DLGAP2: variants seen among roughly 807,000 people sequenced by gnomAD.
DLGAP2 encodes DLG associated protein 2, also known as disks large-associated protein 2.
Under a neutral mutation model 100.3 loss-of-function variants are expected in DLGAP2, and 26 were observed. The ratio of observed to expected loss-of-function variants is 0.26; its 90% confidence interval spans 0.19 to 0.36. DLGAP2 has a LOEUF of 0.36. Ranked by LOEUF, DLGAP2 falls within the 10% of genes least tolerant of loss-of-function variation. DLGAP2 has a pLI of 1.00. For synonymous variants in DLGAP2, 886 were observed against 630.1 expected (o/e 1.41, Z -6.08); for missense variants, 1,858 against 1,453.2 (o/e 1.28, Z -4.53).
At chr8:1,265,850 A>G (rs528294816) in intron 3 of DLGAP2, among the ~76,000 whole-genome samples, 2 of 152,358 alleles carry the variant, frequency 1.3e-5, no homozygotes, top group Non-Finnish European at 2.9e-5. Flanking sequence ...ATAGAAGAGT[A>G]GACAGGTAGG....
chr8:930,439 A>G (rs138966808), intron 2 of DLGAP2, among the ~76,000 whole-genome samples: 3 of 152,232 alleles, frequency 2.0e-5, no homozygotes, highest in Admixed American at 1.3e-4. Context: ...CACACACAGC[A>G]TGATGTAACA....
intron 6 of DLGAP2, among the ~76,000 whole-genome samples, chr8:1,592,795 C>T (rs1274862348): frequency 6.6e-6 from 1 of 152,158 alleles, no homozygotes; most frequent in Admixed American, 6.5e-5. Flanking sequence ...TATTATCCCA[C>T]AGTAATTGTC....
intron 3 of DLGAP2, among the ~76,000 whole-genome samples, chr8:1,496,898 C>T (rs920251155): frequency 2.0e-4 from 31 of 152,152 alleles, no homozygotes; most frequent in Admixed American, 2.0e-3. Context: ...AGCCAGACGA[C>T]CTTGCTACAG....
At chr8:1,309,845 A>G (rs1800572972) in intron 3 of DLGAP2, among the ~76,000 whole-genome samples, 1 of 152,262 alleles carries the variant, frequency 6.6e-6, no homozygotes, top group African/African-American at 2.4e-5. Flanking sequence ...CTGTAATCCC[A>G]GCACTTTGGG....
intron 1 of DLGAP2, among the ~76,000 whole-genome samples, chr8:765,879 C>A (rs1821200484): frequency 6.6e-6 from 1 of 152,084 alleles, no homozygotes; most frequent in Non-Finnish European, 1.5e-5. Context: ...ACAAACATAC[C>A]CACATATGGC....
At chr8:911,078 G>T (rs1472607149) in intron 2 of DLGAP2, among the ~76,000 whole-genome samples, 3 of 152,070 alleles carry the variant, frequency 2.0e-5, no homozygotes, top group African/African-American at 7.2e-5. Flanking sequence ...ATGACGAGTC[G>T]CTGTTTTCTG....
intron 1 of DLGAP2, among the ~76,000 whole-genome samples, chr8:831,726 T>C (rs1056911447): frequency 1.3e-5 from 2 of 152,242 alleles, no homozygotes; most frequent in Non-Finnish European, 2.9e-5. Context: ...TTTGGGTATA[T>C]ACCCAGTAAT....
At chr8:1,423,033 C>A (rs570635935) in intron 3 of DLGAP2, among the ~76,000 whole-genome samples, 32 of 152,210 alleles carry the variant, frequency 2.1e-4, no homozygotes, top group Non-Finnish European at 3.5e-4. Context: ...ACATGGTGCT[C>A]ATCATAGTGA....
chr8:948,945 G>C (rs2129007179), intron 2 of DLGAP2, among the ~76,000 whole-genome samples: 1 of 150,982 alleles, frequency 6.6e-6, no homozygotes, highest in East Asian at 1.9e-4. Context: ...GCCAGGGTGA[G>C]AGCAGGGCCC....
At chr8:1,033,759 C>G (rs1373222565) in intron 2 of DLGAP2, among the ~76,000 whole-genome samples, 2 of 150,162 alleles carry the variant, frequency 1.3e-5, no homozygotes, top group Non-Finnish European at 3.0e-5. Context: ...CATCCCGACC[C>G]CGCGTGTCAC....
chr8:1,253,334 C>G (rs1298668395), intron 2 of DLGAP2, among the ~76,000 whole-genome samples: 2 of 152,316 alleles, frequency 1.3e-5, no homozygotes, highest in East Asian at 1.9e-4. Context: ...TCTCCCGGCT[C>G]CATCGGCTGC....
chr8:1,689,221 TCTC>T (rs1204336147), intron 12 of DLGAP2, among the ~76,000 whole-genome samples: 1 of 152,050 alleles, frequency 6.6e-6, no homozygotes, highest in African/African-American at 2.4e-5. Flanking sequence ...AGCAGGGGCA[TCTC>T]CTAAACGTAG....
intron 6 of DLGAP2, among the ~76,000 whole-genome samples, chr8:1,591,113 G>T (rs550696472): frequency 7.9e-4 from 121 of 152,316 alleles, no homozygotes; most frequent in Non-Finnish European, 1.4e-3. Context: ...TCAATCTCAG[G>T]TGCAGCCCAT....
chr8:1,228,017 T>G (rs1798456911), intron 2 of DLGAP2, among the ~76,000 whole-genome samples: 1 of 152,118 alleles, frequency 6.6e-6, no homozygotes, highest in Non-Finnish European at 1.5e-5. Context: ...GTTATATACC[T>G]TAAATATACA....
At chr8:1,635,773 A>C (rs1478001854) in intron 8 of DLGAP2, among the ~76,000 whole-genome samples, 4 of 152,252 alleles carry the variant, frequency 2.6e-5, no homozygotes, top group African/African-American at 7.2e-5. Flanking sequence ...GAATATATGC[A>C]TGAAAGATGT....
At chr8:1,131,463 G>A (rs534673165) in intron 2 of DLGAP2, among the ~76,000 whole-genome samples, 2 of 152,232 alleles carry the variant, frequency 1.3e-5, no homozygotes, top group South Asian at 2.1e-4. Flanking sequence ...GGCTCTTCAC[G>A]TCTTATAAGT....
At chr8:1,326,341 A>G (rs1208241537) in intron 3 of DLGAP2, among the ~76,000 whole-genome samples, 2 of 152,232 alleles carry the variant, frequency 1.3e-5, no homozygotes, top group Non-Finnish European at 2.9e-5. Context: ...ATATTGAACT[A>G]AAAAAGTACT....
intron 2 of DLGAP2, among the ~76,000 whole-genome samples, chr8:943,629 C>T (rs1301014735): frequency 6.8e-6 from 1 of 148,082 alleles, no homozygotes; most frequent in African/African-American, 2.5e-5. Context: ...GGCATGTGGA[C>T]GTCGTGATGT....
At chr8:1,333,053 G>A (rs1180769109) in intron 3 of DLGAP2, among the ~76,000 whole-genome samples, 1 of 152,164 alleles carries the variant, frequency 6.6e-6, no homozygotes, top group African/African-American at 2.4e-5. Flanking sequence ...CCGAGGTGTT[G>A]AAAGCGATGG....
Sources: gnomAD v4.1 joint callset for allele counts (sites outside exome capture counted in the v4.1 genomes callset) on GRCh38, gnomAD v4.1.1 for gene constraint, MANE v1.5 for transcripts, NCBI Gene and HGNC (gene_info 2026-07-23, HGNC 2026-07-21) for gene names.